PNKD: variants seen among roughly 807,000 people sequenced by gnomAD.
PNKD encodes the protein probable thioesterase PNKD.
PNKD carries 36 observed loss-of-function variants against 45.3 expected under a neutral mutation model. The ratio of observed to expected loss-of-function variants is 0.80; its 90% CI spans 0.61 to 1.05. The LOEUF is 1.05. PNKD is among the 50% of genes least tolerant of loss of function. The probability of loss-of-function intolerance (pLI) is 0.00; values close to 1 mark genes in which losing one functional copy is unlikely to be tolerated. For missense variants in PNKD, 511 were observed against 506.6 expected, an observed-to-expected ratio of 1.01 and a Z score of -0.08; for synonymous variants, 197 against 210.1, an observed-to-expected ratio of 0.94 and a Z score of 0.54.
chr2:218,272,727 C>T (rs754380259), intron 2 of PNKD: 20 of 1,614,070 alleles, frequency 1.2e-5, no homozygotes, highest in Non-Finnish European at 1.7e-5. Flanking sequence ...CCAGAGTGCC[C>T]CGTCCCCTGA....
chr2:218,307,628 TG>T (rs1693454948), intron 2 of PNKD, among the ~76,000 whole-genome samples: 1 of 152,178 alleles, frequency 6.6e-6, no homozygotes, highest in Admixed American at 6.5e-5. Flanking sequence ...CTGTGTGGCC[TG>T]GCTCCTAACA....
At chr2:218,272,537 C>T in intron 2 of PNKD, 1 of 1,611,820 alleles carries the variant, frequency 6.2e-7, no homozygotes, top group Non-Finnish European at 8.5e-7. Context: ...CTTGGCCCCT[C>T]CCCAAACCCC....
chr2:218,289,336 A>G (rs775133342), intron 2 of PNKD, among the ~76,000 whole-genome samples: 6 of 152,136 alleles, frequency 3.9e-5, no homozygotes, highest in Non-Finnish European at 8.8e-5. Context: ...CATCAGTAAG[A>G]CAATTCCCCT....
At chr2:218,282,504 C>G (rs1194761352) in intron 2 of PNKD, among the ~76,000 whole-genome samples, 2 of 152,214 alleles carry the variant, frequency 1.3e-5, no homozygotes, top group African/African-American at 4.8e-5. Flanking sequence ...TTAAGAAAAC[C>G]TTCCAGTTTT....
chr2:218,331,181 G>A (rs1295479754), intron 2 of PNKD, among the ~76,000 whole-genome samples: 11 of 152,130 alleles, frequency 7.2e-5, no homozygotes, highest in East Asian at 1.9e-4. Flanking sequence ...TTGGGAGGGC[G>A]AGGCAGGTGG....
At chr2:218,299,233 C>T (rs1206674184) in intron 2 of PNKD, among the ~76,000 whole-genome samples, 3 of 152,254 alleles carry the variant, frequency 2.0e-5, no homozygotes, top group Middle Eastern at 3.4e-3. Context: ...CCTCCGCGTC[C>T]GAGGTTTAAA....
At chr2:218,315,581 C>T (rs1167702194) in intron 2 of PNKD, among the ~76,000 whole-genome samples, 1 of 152,232 alleles carries the variant, frequency 6.6e-6, no homozygotes, top group Admixed American at 6.5e-5. Context: ...TTAAGAATAA[C>T]ATACGCCTAT....
intron 2 of PNKD, among the ~76,000 whole-genome samples, chr2:218,311,225 A>G (rs1574686256): frequency 6.6e-6 from 1 of 152,120 alleles, no homozygotes; most frequent in Non-Finnish European, 1.5e-5. Context: ...TGATCTCAGT[A>G]CCTCAGGGTT....
intron 2 of PNKD, chr2:218,278,615 T>A (rs764033002): frequency 6.2e-7 from 1 of 1,602,292 alleles, no homozygotes; most frequent in Non-Finnish European, 8.6e-7. Context: ...CTGCCCCGCT[T>A]GGCAGCACAC....
chr2:218,322,978 C>T (rs1694029969), intron 2 of PNKD, among the ~76,000 whole-genome samples: 1 of 152,190 alleles, frequency 6.6e-6, no homozygotes, highest in South Asian at 2.1e-4. Context: ...CTTCCCAGGG[C>T]TCAGGCGACT....
chr2:218,342,058 G>C lies in PNKD; in HGVS notation c.695G>C (p.Gly232Ala). Residue 232 changes from glycine to alanine, a missense_variant, in exon 7 of 10, where the codon GGC becomes GCC. Transcript: ENST00000273077. ...RALATPGHTQ[G>A]HLVYLLDGEP... ...CTGGCTACACCTGGCCACACACAAG[G>C]CCATCTGGTCTACCTACTGGATGGG... 1 of 1,613,296 alleles carries C rather than the reference G, an allele frequency of 6.2e-7. No individual in the cohort carries two copies. Among genetic ancestry groups the C allele is most frequent in the Admixed American group, 1.7e-5 (1 of 60,024 alleles).
rs1027702088 is a variant in PNKD, at chr2:218,312,765, T to C, written c.237-27018T>C. Among the ~76,000 whole-genome samples the C allele has an allele frequency of 2.4e-4, 37 of 151,848 alleles. 1 individual carries two copies. The highest frequency in any genetic ancestry group is 6.6e-5 in the Admixed American group (1 of 15,234). ...GTGTGCACCTGTAGTCCCAGCTACT[T>C]GGGAGGCTGAGGCACAAGAATCTCT... On this transcript the variant is annotated intron_variant, in intron 2 of 9. Transcript: ENST00000273077.
chr2:218,339,680 G>A, intron 2 of PNKD, 103 bp from the exon 3 acceptor site: 1 of 749,128 alleles, frequency 1.3e-6, no homozygotes, highest in Non-Finnish European at 2.4e-6. Flanking sequence ...TTGGCTCACA[G>A]GGTCACCAAA....
At chr2:218,282,100 G>T in intron 2 of PNKD, 1 of 1,560,082 alleles carries the variant, frequency 6.4e-7, no homozygotes, top group Non-Finnish European at 8.7e-7. Flanking sequence ...GGTACAGGGG[G>T]TTGCGGTCTT....
Position 218,293,603 on chromosome 2 carries a change from C to T in PNKD, c.236+22054C>T, listed in dbSNP as rs1413691064. 9.5e-4 allele frequency among the ~76,000 whole-genome samples: 19 copies of T among 19,996 alleles called. No individual in the cohort carries two copies. In the East Asian group the frequency reaches 0.01, roughly 11 times the overall value. The allele number at this position is 19,996 out of a possible 152,430, so 13.1% of individuals were successfully genotyped here. A position where few individuals can be genotyped will look rare whatever the true frequency, so the allele number is the denominator to read the frequency against. On this transcript the variant is annotated intron_variant, in intron 2 of 9. Transcript: ENST00000273077. ...TCCTTTTTTTTTTTTTTTTTTTTTT[C>T]CAGACAGGGTCTCGCTCTGTCACCC...
In PNKD at chr2:218,330,685, A is replaced by G. The variant is rs142780055; in HGVS notation, c.237-9098A>G. Among the ~76,000 whole-genome samples, 600 of 152,334 alleles carry G rather than the reference A, an allele frequency of 3.9e-3. 5 individuals carry two copies. The highest frequency in any genetic ancestry group is 0.013 in the African/African-American group (525 of 41,568). On this transcript the variant is annotated intron_variant, in intron 2 of 9. Transcript: ENST00000273077. ...TTATTTTCTTTTTGGTGAGGTGATG[A>G]TGGGTAGTTCCTGTCCCCAGAACTG...
intron 2 of PNKD, among the ~76,000 whole-genome samples, chr2:218,325,197 C>A (rs1694115246): frequency 5.7e-5 from 1 of 17,442 alleles, no homozygotes; most frequent in Admixed American, 1.1e-3. Flanking sequence ...CCGCACCCGG[C>A]CTTTTTTTTT....
At chr2:218,300,025 G>A (rs2106251167) in intron 2 of PNKD, among the ~76,000 whole-genome samples, 1 of 152,242 alleles carries the variant, frequency 6.6e-6, no homozygotes, top group Admixed American at 6.5e-5. Context: ...CCAATGTGCT[G>A]GGATTACTGG....
At chr2:218,282,002 T>C (rs1162240901) in intron 2 of PNKD, 1 of 1,607,670 alleles carries the variant, frequency 6.2e-7, no homozygotes. Context: ...AGGGTGACCG[T>C]AGCCAGGCTG....
Sources: allele counts gnomAD v4.1 joint callset (sites outside exome capture counted in the v4.1 genomes callset), GRCh38; gene constraint gnomAD v4.1.1; transcripts MANE v1.5; gene names NCBI Gene and HGNC (gene_info 2026-07-23, HGNC 2026-07-21).